DPP6: variants seen among roughly 807,000 people sequenced by gnomAD.
DPP6 encodes A-type potassium channel modulatory protein DPP6.
A neutral mutation model predicts 122.6 loss-of-function variants in DPP6; 69 were observed. The ratio of observed to expected loss-of-function variants is 0.56; its 90% CI spans 0.46 to 0.69. The LOEUF (loss-of-function observed/expected upper bound fraction) is 0.69, where lower values mean the gene tolerates loss of function less well. Ranked by LOEUF, DPP6 falls within the 30% of genes least tolerant of loss-of-function variation. The pLI, the probability that DPP6 is intolerant of heterozygous loss-of-function variation, is 0.00. For missense variants in DPP6, 928 were observed against 1,116.9 expected, an observed-to-expected ratio of 0.83 and a Z score of 2.41; for synonymous variants, 418 against 433.1, an observed-to-expected ratio of 0.97 and a Z score of 0.43.
chr7:153,767,208 G>T, the DPP6 span, among the ~76,000 whole-genome samples: 2 of 152,118 alleles, frequency 1.3e-5, no homozygotes, highest in Non-Finnish European at 2.9e-5. Flanking sequence ...TTACCAAGAA[G>T]AGCAGAAAAA....
intron 1 of DPP6, among the ~76,000 whole-genome samples, chr7:153,959,061 T>A (rs930779325): frequency 6.6e-6 from 1 of 152,046 alleles, no homozygotes; most frequent in Non-Finnish European, 1.5e-5. Context: ...AAAAATTAAT[T>A]ATGACATATT....
intron 1 of DPP6, among the ~76,000 whole-genome samples, chr7:153,949,086 C>G (rs1437451141): frequency 6.6e-6 from 1 of 152,198 alleles, no homozygotes; most frequent in East Asian, 1.9e-4. Flanking sequence ...ACAGTGCGGT[C>G]CTGAGACTCC....
At chr7:154,785,762 A>G (rs760305490) in intron 10 of DPP6, among the ~76,000 whole-genome samples, 4 of 152,196 alleles carry the variant, frequency 2.6e-5, no homozygotes, top group South Asian at 4.1e-4. Context: ...AATAAATAGC[A>G]TTTACTTTCT....
the DPP6 span, among the ~76,000 whole-genome samples, chr7:153,857,356 C>CTT: frequency 6.7e-6 from 1 of 149,864 alleles, no homozygotes; most frequent in African/African-American, 2.4e-5. Flanking sequence ...CTCTCTCTCT[C>CTT]TCTCAGCATG....
At chr7:153,817,504 A>T in the DPP6 span, among the ~76,000 whole-genome samples, 1 of 151,464 alleles carries the variant, frequency 6.6e-6, no homozygotes, top group Non-Finnish European at 1.5e-5. Flanking sequence ...AAACATCACA[A>T]ACTGCACACA....
In DPP6 at chr7:154,618,717, A is replaced by G. The variant is rs1324671337; in HGVS notation, c.628-19104A>G. Among the ~76,000 whole-genome samples, 2 of 152,244 alleles carry G rather than the reference A, an allele frequency of 1.3e-5. No homozygotes were observed. The highest frequency in any genetic ancestry group is 2.1e-4 in the South Asian group (1 of 4,818). ...TGTACTGAAAACTCAGCACATGCCT[A>G]CTAAATGCTCTGTAGGCTTTATCTC... On this transcript the variant is annotated intron_variant, in intron 5 of 25. Coordinates refer to ENST00000377770, the MANE Select transcript of DPP6 (RefSeq NM_130797.4). This position sits in a 1 kb window ranked among gnomAD's most constrained non-coding sequence, Gnocchi z 4.1.
intron 7 of DPP6, among the ~76,000 whole-genome samples, chr7:154,723,632 C>T (rs1319007634): frequency 6.6e-6 from 1 of 152,198 alleles, no homozygotes; most frequent in East Asian, 1.9e-4. Flanking sequence ...GAGCAGAAAA[C>T]AAATATTTGC....
At chr7:153,925,825 T>C (rs927528803) in intron 1 of DPP6, among the ~76,000 whole-genome samples, 7 of 152,246 alleles carry the variant, frequency 4.6e-5, no homozygotes, top group African/African-American at 1.7e-4. Flanking sequence ...CTACAAACTC[T>C]AAAGTGCCCA....
At chr7:154,257,128 C>T (rs1447486304) in intron 1 of DPP6, among the ~76,000 whole-genome samples, 1 of 151,702 alleles carries the variant, frequency 6.6e-6, no homozygotes, top group Non-Finnish European at 1.5e-5. Context: ...TCCTGAGTAG[C>T]ATGTGCCACT....
intron 6 of DPP6, among the ~76,000 whole-genome samples, chr7:154,639,123 T>A (rs4960568): frequency 0.76 from 115,183 of 152,078 alleles, 43,742 homozygotes; most frequent in East Asian, 0.92. Flanking sequence ...TGTTTTCTAC[T>A]CAGCTTAGAA....
At chr7:154,748,429 G>C (rs567321811) in intron 8 of DPP6, among the ~76,000 whole-genome samples, 14 of 152,166 alleles carry the variant, frequency 9.2e-5, no homozygotes, top group Non-Finnish European at 4.4e-5. Context: ...CTCTCCTGCC[G>C]CCACCCACAC....
At chr7:154,152,721 C>T (rs1337211282) in intron 1 of DPP6, among the ~76,000 whole-genome samples, 1 of 152,148 alleles carries the variant, frequency 6.6e-6, no homozygotes, top group African/African-American at 2.4e-5. Context: ...GACCAGAAAC[C>T]CAGGAGCGTG....
chr7:153,938,105 T>G (rs184157582), intron 1 of DPP6, among the ~76,000 whole-genome samples: 1 of 152,314 alleles, frequency 6.6e-6, no homozygotes, highest in Non-Finnish European at 1.5e-5. Flanking sequence ...AAGAATATGA[T>G]GAGCTCCCTG....
At chr7:153,934,969 G>A (rs942610552) in intron 1 of DPP6, among the ~76,000 whole-genome samples, 3 of 152,316 alleles carry the variant, frequency 2.0e-5, no homozygotes, top group African/African-American at 2.4e-5. Context: ...CTGAGGTAGC[G>A]GAGGGTCCGT....
At chr7:154,415,228 C>T (rs752163185) in intron 1 of DPP6, among the ~76,000 whole-genome samples, 16 of 152,164 alleles carry the variant, frequency 1.1e-4, no homozygotes, top group Non-Finnish European at 1.8e-4. Flanking sequence ...GAAGACTCAT[C>T]CCTGGTTGAG....
chr7:154,312,110 C>T (rs373860860), intron 1 of DPP6, among the ~76,000 whole-genome samples: 1 of 152,290 alleles, frequency 6.6e-6, no homozygotes, highest in East Asian at 1.9e-4. Flanking sequence ...CTTAAATCAT[C>T]GACAGGCTGT....
intron 1 of DPP6, among the ~76,000 whole-genome samples, chr7:154,445,626 G>A (rs1314853827): frequency 6.6e-6 from 1 of 152,162 alleles, no homozygotes; most frequent in Non-Finnish European, 1.5e-5. Flanking sequence ...GAGAGACCAG[G>A]AAAATCTTGA....
At chr7:153,965,656 G>A (rs1430370229) in intron 1 of DPP6, among the ~76,000 whole-genome samples, 2 of 152,084 alleles carry the variant, frequency 1.3e-5, no homozygotes, top group South Asian at 2.1e-4. Flanking sequence ...GGGACTACAG[G>A]CGCCCACCAC....
chr7:154,532,052 G>A (rs557315454), intron 3 of DPP6, among the ~76,000 whole-genome samples: 82 of 151,998 alleles, frequency 5.4e-4, no homozygotes, highest in African/African-American at 2.0e-3. Flanking sequence ...CCATATAAAT[G>A]GTTTTCTTAT....
Sources: gnomAD v4.1 joint callset for allele counts (sites outside exome capture counted in the v4.1 genomes callset) on GRCh38, gnomAD v4.1.1 for gene constraint, Gnocchi (gnomAD v3.1) non-coding constraint, MANE v1.5 for transcripts, NCBI Gene and HGNC (gene_info 2026-07-23, HGNC 2026-07-21) for gene names.